Variants in PAFAH2 observed in about 807,000 individuals in gnomAD.
PAFAH2 encodes the protein platelet activating factor acetylhydrolase 2, also known as platelet-activating factor acetylhydrolase 2, cytoplasmic.
PAFAH2 carries 42 observed loss-of-function variants against 49.0 expected under a neutral mutation model. The observed-to-expected ratio is 0.86, with a 90% CI of 0.67 to 1.11. The LOEUF is 1.11. Ranked by LOEUF, PAFAH2 falls within the 50% of genes least tolerant of loss-of-function variation. PAFAH2 has a pLI of 0.00. For missense variants in PAFAH2, 503 were observed against 501.8 expected (o/e 1.00, Z -0.02); for synonymous variants, 184 against 181.3 (o/e 1.01, Z -0.12).
Position 25,983,978 on chromosome 1 carries a change from C to T in PAFAH2, c.520G>A (p.Gly174Arg), listed in dbSNP as rs144145386. The change falls in exon 6 of 11, where the codon GGG (glycine) becomes AGG (arginine). Residue 174 changes from glycine to arginine, a missense_variant. Transcript: ENST00000374282. Reference sequence around the variant, plus strand: ...TTCCGAACATGAAATTCCTTCTCCCCTTCCTCAACTCGACGGAAAGGGATC... The same window carrying T: ...TTCCGAACATGAAATTCCTTCTCCCTTTCCTCAACTCGACGGAAAGGGATC... ...EWIPFRRVEE[G>R]EKEFHVRNPQ... The T allele has an allele frequency of 4.0e-4, 650 of 1,614,172 alleles. 1 individual carries two copies. Among genetic ancestry groups the T allele is most frequent in the Non-Finnish European group, 3.0e-4 (350 of 1,180,012 alleles).
intron 1 of PAFAH2, among the ~76,000 whole-genome samples, chr1:25,995,394 T>C (rs1193970904): frequency 2.6e-5 from 4 of 152,236 alleles, no homozygotes; most frequent in African/African-American, 9.6e-5. Context: ...CACAATCACC[T>C]GGGAAGCTTT....
intron 2 of PAFAH2, 21 bp downstream of exon 2, chr1:25,990,706 A>C: frequency 6.3e-7 from 1 of 1,596,822 alleles, no homozygotes; most frequent in South Asian, 1.1e-5. Flanking sequence ...AAACAGAAGA[A>C]AGGGAGCTGG....
At chr1:25,969,104 C>T (rs2049470019) in intron 10 of PAFAH2, among the ~76,000 whole-genome samples, 1 of 152,224 alleles carries the variant, frequency 6.6e-6, no homozygotes, top group Non-Finnish European at 1.5e-5. Flanking sequence ...CCATAGGCTT[C>T]TTCCTCTGGC....
intron 10 of PAFAH2, among the ~76,000 whole-genome samples, chr1:25,965,002 C>T (rs1308977937): frequency 6.6e-6 from 1 of 152,176 alleles, no homozygotes; most frequent in Non-Finnish European, 1.5e-5. Context: ...CATGACCCAA[C>T]TTCAAATTAT....
intron 1 of PAFAH2, among the ~76,000 whole-genome samples, chr1:25,993,469 G>A (rs184624024): frequency 1.8e-4 from 27 of 152,262 alleles, no homozygotes; most frequent in Non-Finnish European, 3.5e-4. Flanking sequence ...CAAGCAGAAC[G>A]ATGATAACAA....
At chr1:25,963,807 A>G (rs1169298769) in intron 10 of PAFAH2, among the ~76,000 whole-genome samples, 4 of 152,102 alleles carry the variant, frequency 2.6e-5, no homozygotes, top group Admixed American at 6.5e-5. Flanking sequence ...GGCCAGGCCA[A>G]TGTTTTAAAA....
chr1:25,966,641 G>T (rs926104834), intron 10 of PAFAH2, among the ~76,000 whole-genome samples: 2 of 152,120 alleles, frequency 1.3e-5, no homozygotes, highest in Admixed American at 1.3e-4. Context: ...TAGGAGAGGG[G>T]TGAGGGCTGA....
intron 2 of PAFAH2, among the ~76,000 whole-genome samples, chr1:25,990,442 C>G (rs1308482100): frequency 1.3e-5 from 2 of 152,182 alleles, no homozygotes; most frequent in Admixed American, 1.3e-4. Context: ...GGCATCTGCC[C>G]TCAAGAAAGG....
At chr1:25,964,472 G>C (rs888589452) in intron 10 of PAFAH2, among the ~76,000 whole-genome samples, 1 of 152,194 alleles carries the variant, frequency 6.6e-6, no homozygotes, top group African/African-American at 2.4e-5. Flanking sequence ...TTGGGAGGCT[G>C]AGGCAGGAGG....
intron 1 of PAFAH2, among the ~76,000 whole-genome samples, chr1:25,997,097 C>T (rs2049947069): frequency 1.3e-5 from 2 of 152,178 alleles, no homozygotes; most frequent in South Asian, 4.1e-4. Context: ...TGCTGCTCTG[C>T]CAGCTGTGTG....
At chr1:25,973,488 A>C (rs1355572049) in intron 9 of PAFAH2, among the ~76,000 whole-genome samples, 1 of 152,218 alleles carries the variant, frequency 6.6e-6, no homozygotes, top group African/African-American at 2.4e-5. Flanking sequence ...CACTCAGTTG[A>C]ATAAACGATA....
intron 1 of PAFAH2, among the ~76,000 whole-genome samples, chr1:25,993,794 C>G (rs2049904935): frequency 6.6e-6 from 1 of 152,040 alleles, no homozygotes; most frequent in Non-Finnish European, 1.5e-5. Flanking sequence ...ACACCTGTCA[C>G]TCACATGACA....
intron 9 of PAFAH2, among the ~76,000 whole-genome samples, 186 bp downstream of exon 9, chr1:25,974,294 T>C (rs1442088190): frequency 6.6e-6 from 1 of 152,190 alleles, no homozygotes; most frequent in East Asian, 1.9e-4. Context: ...TAAATCACTG[T>C]AGATGGAGCT....
At chr1:25,971,347 T>C (rs1010579548) in intron 10 of PAFAH2, among the ~76,000 whole-genome samples, 1 of 152,096 alleles carries the variant, frequency 6.6e-6, no homozygotes, top group Non-Finnish European at 1.5e-5. Context: ...ATTGCCTCTC[T>C]TGGAAATCTG....
chr1:25,994,486 C>T (rs1469526368), intron 1 of PAFAH2, among the ~76,000 whole-genome samples: 1 of 152,114 alleles, frequency 6.6e-6, no homozygotes. Flanking sequence ...CTTGATTCCC[C>T]ATCTGTACAA....
chr1:25,983,862 G>C, intron 6 of PAFAH2, 84 bp downstream of exon 6: 1 of 1,438,388 alleles, frequency 7.0e-7, no homozygotes, highest in Non-Finnish European at 9.7e-7. Flanking sequence ...TTTCAAGAGA[G>C]GGTTAACTAA....
intron 8 of PAFAH2, 31 bp downstream of exon 8, chr1:25,976,651 C>A: frequency 6.8e-7 from 1 of 1,480,492 alleles, no homozygotes; most frequent in Admixed American, 1.7e-5. Flanking sequence ...GTGTATGGAG[C>A]TAAGCACAGC....
rs138280610 is a variant in PAFAH2, at chr1:25,973,296, G to C, written c.930-584C>G. 9.9e-5 allele frequency among the ~76,000 whole-genome samples: 15 copies of C among 152,256 alleles called. No homozygotes were observed. In the East Asian group the frequency reaches 1.9e-3, roughly 20 times the overall value. On this transcript the variant is annotated intron_variant, in intron 9 of 10. Transcript: ENST00000374282. ...AATTTAATTTGCAGGTGAAATCCTT[G>C]CTAGGTTAATTTTGGGCTAAATTAT...
intron 1 of PAFAH2, among the ~76,000 whole-genome samples, chr1:25,995,777 C>T (rs903490081): frequency 1.3e-5 from 2 of 152,110 alleles, no homozygotes; most frequent in South Asian, 2.1e-4. Context: ...AGATCTACTC[C>T]GGGGGTAAAG....
Sources: gnomAD v4.1 joint callset for allele counts (sites outside exome capture counted in the v4.1 genomes callset) on GRCh38, gnomAD v4.1.1 for gene constraint, MANE v1.5 for transcripts, NCBI Gene and HGNC (gene_info 2026-07-23, HGNC 2026-07-21) for gene names.